HEATR3: variants seen among roughly 807,000 people sequenced by gnomAD.
HEATR3 encodes HEAT repeat containing 3.
Under a neutral mutation model 72.8 loss-of-function variants are expected in HEATR3, and 56 were observed. That is an observed-to-expected ratio of 0.77 (90% CI 0.62 to 0.96). The LOEUF (loss-of-function observed/expected upper bound fraction) is 0.96. Among genes scored for constraint, HEATR3 ranks in the 40% least tolerant of loss-of-function variants. HEATR3 has a pLI of 0.00. For missense variants in HEATR3, 747 were observed against 831.4 expected (o/e 0.90, Z 1.25); for synonymous variants, 331 against 318.1 (o/e 1.04, Z -0.43).
intron 4 of HEATR3, among the ~76,000 whole-genome samples, chr16:50,071,014 C>G (rs1485305189): frequency 6.6e-6 from 1 of 152,156 alleles, no homozygotes; most frequent in East Asian, 1.9e-4. Context: ...TTTCTCTTTC[C>G]TGGCACTTAC....
intron 5 of HEATR3, chr16:50,073,651 T>C (rs141547211): frequency 2.8e-4 from 42 of 152,320 alleles, no homozygotes; most frequent in African/African-American, 9.6e-4. Flanking sequence ...GATAGGTGAC[T>C]TAATCTCAGA....
At chr16:50,097,830 G>A (rs1036952780) in intron 12 of HEATR3, among the ~76,000 whole-genome samples, 3 of 151,420 alleles carry the variant, frequency 2.0e-5, no homozygotes, top group Non-Finnish European at 4.4e-5. Context: ...CAGGAGAATC[G>A]CTTGAAGCCA....
In HEATR3 at chr16:50,106,853, G is replaced by A. The variant is rs2150635910; in HGVS notation, c.*1792G>A. ...ATGATATAGACTGTTGGGAAACCAA[G>A]ATTGTTTCCCAGCCCTAAGAGTTCC... On this transcript the variant is annotated 3_prime_UTR_variant, in exon 15 of 15. Transcript: ENST00000299192. Among the ~76,000 whole-genome samples, 2 of 152,232 alleles carry A rather than the reference G, an allele frequency of 1.3e-5. No homozygotes were observed. The highest frequency in any genetic ancestry group is 1.3e-4 in the Admixed American group (2 of 15,272).
At position 50,066,045 on chromosome 16, in the gene HEATR3, C is replaced by T. The variant is rs1021455734; in HGVS notation, c.-87C>T. On this transcript the variant is annotated 5_prime_UTR_variant, in exon 1 of 15. Coordinates refer to ENST00000299192, the MANE Select transcript of HEATR3 (RefSeq NM_182922.4). The stretch of plus-strand genomic sequence containing the variant: ...GTCAGCCGGCCCAGCTGAGCAGCAG[C>T]AACGGACCTTGTTAACGGCGCGGCA... 2.8e-6 allele frequency: 4 copies of T among 1,437,564 alleles called. No individual in the cohort carries two copies. In the African/African-American group the frequency reaches 5.8e-5, roughly 21 times the overall value. 89.1% of individuals were successfully genotyped at this position (1,437,564 alleles called of 1,614,324 possible). A position where few individuals can be genotyped will look rare whatever the true frequency, so the allele number is the denominator to read the frequency against.
At chr16:50,088,411 A>G (rs1192642210) in intron 11 of HEATR3, among the ~76,000 whole-genome samples, 1 of 152,214 alleles carries the variant, frequency 6.6e-6, no homozygotes, top group Non-Finnish European at 1.5e-5. Context: ...CTGGCTGTGC[A>G]TTCATTGGCT....
intron 2 of HEATR3, among the ~76,000 whole-genome samples, chr16:50,068,533 C>T (rs898274537): frequency 4.6e-5 from 7 of 152,132 alleles, no homozygotes; most frequent in Non-Finnish European, 1.5e-5. Flanking sequence ...CTTCTTGTAG[C>T]CATGCACCTG....
At chr16:50,095,008 A>G (rs929945430) in intron 12 of HEATR3, among the ~76,000 whole-genome samples, 1 of 152,184 alleles carries the variant, frequency 6.6e-6, no homozygotes, top group Non-Finnish European at 1.5e-5. Context: ...TTAATTTTTT[A>G]AATTTTTTAA....
chr16:50,070,935 C>CTT (rs2036597575), intron 4 of HEATR3, among the ~76,000 whole-genome samples: 16 of 152,324 alleles, frequency 1.1e-4, no homozygotes, highest in Admixed American at 2.0e-4. Flanking sequence ...GTCAGTCCCA[C>CTT]ATGCAGGTGC....
rs1597155624 is a variant in HEATR3 at position 50,084,187 on chromosome 16, T to C, written c.1186T>C (p.Phe396Leu). The change falls in exon 9 of 15, where the codon TTT becomes CTT. Residue 396 changes from phenylalanine to leucine, a missense_variant. By Grantham distance (22) the Phe-to-Leu change is conservative (BLOSUM62 0). This residue lies in a region of HEATR3 where 586 missense variants were observed against 708.8 expected (regional missense o/e 0.83). Coordinates refer to ENST00000299192, the MANE Select transcript of HEATR3 (RefSeq NM_182922.4). ...TTCTAGCAGTGATGAAAGTGACGCA[T>C]TTATGGAGAATTCCTTCAGTGAGTG... ...ELSSSDESDA[F>L]MENSFSECGG... 6 of 1,614,172 alleles carry C rather than the reference T, an allele frequency of 3.7e-6. No individual in the cohort carries two copies. The highest frequency in any genetic ancestry group is 1.1e-5 in the South Asian group (1 of 91,090).
At chr16:50,098,182 TC>T (rs1390220701) in intron 12 of HEATR3, 1 of 152,078 alleles carries the variant, frequency 6.6e-6, no homozygotes, top group Non-Finnish European at 1.5e-5. Flanking sequence ...TCTTTTTGTA[TC>T]CCCCAAAAAG....
chr16:50,070,323 T>A, intron 4 of HEATR3, 33 bp downstream of exon 4: 1 of 1,090,452 alleles, frequency 9.2e-7, no homozygotes, highest in Non-Finnish European at 1.4e-6. Context: ...TCTCCTGCTA[T>A]AGCAGTACCC....
At chr16:50,092,074 C>T (rs1459597352) in intron 11 of HEATR3, among the ~76,000 whole-genome samples, 1 of 151,998 alleles carries the variant, frequency 6.6e-6, no homozygotes, top group Non-Finnish European at 1.5e-5. Context: ...GAGTGGTGCA[C>T]ACCTGTAATC....
chr16:50,082,915 C>T (rs2036902657), intron 7 of HEATR3, among the ~76,000 whole-genome samples: 1 of 152,028 alleles, frequency 6.6e-6, no homozygotes, highest in Non-Finnish European at 1.5e-5. Context: ...CTTGGCCTCC[C>T]AAGTAGCTGG....
rs193288982 is a variant in HEATR3 at position 50,101,054 on chromosome 16, A to G, written c.1743+681A>G. On this transcript the variant is annotated intron_variant, in intron 13 of 14. Coordinates refer to ENST00000299192, the MANE Select transcript of HEATR3 (RefSeq NM_182922.4). ...CTCTTAACCTGCTAAGAACTTTACA[A>G]TGATGACTGATGTTTTTAAGAATCT... Among the ~76,000 whole-genome samples, 36 of 152,252 alleles carry G rather than the reference A, an allele frequency of 2.4e-4. 1 individual carries two copies. The highest frequency in any genetic ancestry group is 2.1e-4 in the South Asian group (1 of 4,826).
In HEATR3 at chr16:50,066,363, G is replaced by C. The variant is rs6500280; in HGVS notation, c.139-4G>C. 304,701 of 1,551,108 alleles carry C rather than the reference G, an allele frequency of 0.2. 33,546 individuals are homozygous for C. The highest frequency in any genetic ancestry group is 0.47 in the African/African-American group (33,326 of 70,716). ...CTTCTGACCCTTTTCGCTCTCATCC[G>C]CAGCTCCAGCACCCGAGCGCCGAGG... is the stretch of plus-strand genomic sequence containing the variant. On this transcript the variant is annotated splice_polypyrimidine_tract_variant and splice_region_variant and intron_variant, in intron 1 of 14. Transcript: ENST00000299192.
At chr16:50,076,531 C>T (rs955268324) in intron 6 of HEATR3, among the ~76,000 whole-genome samples, 1 of 151,520 alleles carries the variant, frequency 6.6e-6, no homozygotes, top group East Asian at 2.0e-4. Flanking sequence ...TGAAATTTAC[C>T]GTCTTAATCG....
At position 50,065,982 on chromosome 16, in the gene HEATR3, G is replaced by A; in HGVS notation, c.-150G>A. 1 of 189,494 alleles carries A rather than the reference G, an allele frequency of 5.3e-6. No homozygotes were observed. Among genetic ancestry groups the A allele is most frequent in the African/African-American group, 3.3e-5 (1 of 30,420 alleles). 11.7% of individuals were successfully genotyped at this position (189,494 alleles called of 1,614,324 possible). A position where few individuals can be genotyped will look rare whatever the true frequency, so the allele number is the denominator to read the frequency against. ...ACCCCGACCCGGCAGACGACGCGCC[G>A]TGCGCCTGCGCACGGCTTGCCCATG... On this transcript the variant is annotated 5_prime_UTR_variant, in exon 1 of 15. It adds an upstream start codon to the 5' untranslated region. Transcript: ENST00000299192.
chr16:50,093,793 G>C (rs1469047857), intron 11 of HEATR3, among the ~76,000 whole-genome samples: 1 of 152,168 alleles, frequency 6.6e-6, no homozygotes, highest in African/African-American at 2.4e-5. Context: ...CAGGATGGCT[G>C]GGTTCCCAGG....
In HEATR3 at chr16:50,105,872, GA is replaced by G. The variant is rs1406352652; in HGVS notation, c.*814del. ...AGGCATGAGCCACCGTGCCTGGCCA[GA>G]AACTCTTTTTTAAGTGATGAGATCT... On this transcript the variant is annotated 3_prime_UTR_variant, in exon 15 of 15. Coordinates refer to ENST00000299192, the MANE Select transcript of HEATR3 (RefSeq NM_182922.4). 2 of 152,062 alleles carry G rather than the reference GA, an allele frequency of 1.3e-5. No individual in the cohort carries two copies. Among genetic ancestry groups the G allele is most frequent in the Non-Finnish European group, 2.9e-5 (2 of 68,052 alleles). 9.4% of individuals were successfully genotyped at this position (152,062 alleles called of 1,614,324 possible).
Sources: allele counts gnomAD v4.1 joint callset (sites outside exome capture counted in the v4.1 genomes callset), GRCh38; gene constraint gnomAD v4.1.1; regional missense constraint gnomAD v4.1.1; transcripts MANE v1.5; gene names NCBI Gene and HGNC (gene_info 2026-07-23, HGNC 2026-07-21).